LAMA2: variants seen among roughly 807,000 people sequenced by gnomAD.
LAMA2 encodes the protein laminin subunit alpha 2.
In LAMA2, 269 loss-of-function variants were observed where a neutral mutation model predicts 364.8. The observed-to-expected ratio is 0.74, with a 90% CI of 0.67 to 0.82. The LOEUF (loss-of-function observed/expected upper bound fraction) is 0.82, where lower values mean the gene tolerates loss of function less well. Ranked by LOEUF, LAMA2 falls within the 40% of genes least tolerant of loss-of-function variation. The probability of loss-of-function intolerance (pLI) is 0.00; values close to 1 mark genes in which losing one functional copy is unlikely to be tolerated. For missense variants in LAMA2, 3,807 were observed against 3,873.2 expected, an observed-to-expected ratio of 0.98 and a Z score of 0.45; for synonymous variants, 1,379 against 1,370.6, an observed-to-expected ratio of 1.01 and a Z score of -0.14.
chr6:129,217,637 T>C (rs938437880), intron 12 of LAMA2, among the ~76,000 whole-genome samples: 27 of 152,240 alleles, frequency 1.8e-4, no homozygotes, highest in African/African-American at 6.5e-4. Context: ...ACAAGAGCTG[T>C]TTCCTTCTTT....
At chr6:129,018,295 G>A (rs922438561) in intron 1 of LAMA2, among the ~76,000 whole-genome samples, 1 of 151,936 alleles carries the variant, frequency 6.6e-6, no homozygotes, top group Admixed American at 6.6e-5. Flanking sequence ...AGCAGTTTAT[G>A]TAGTAACTTT....
At chr6:128,893,564 T>C (rs1293259835) in intron 1 of LAMA2, among the ~76,000 whole-genome samples, 1 of 151,946 alleles carries the variant, frequency 6.6e-6, no homozygotes, top group Non-Finnish European at 1.5e-5. Context: ...GAAGAAAATA[T>C]GGTATCTGAA....
intron 34 of LAMA2, among the ~76,000 whole-genome samples, chr6:129,382,314 A>G (rs1778736840): frequency 6.6e-6 from 1 of 152,244 alleles, no homozygotes; most frequent in African/African-American, 2.4e-5. Context: ...ATTTTTAAAG[A>G]AACAATGTTA....
At position 129,391,526 on chromosome 6, in the gene LAMA2, C is replaced by T. The variant is rs1330285602; in HGVS notation, c.5107C>T (p.Leu1703=). The T allele has an allele frequency of 6.2e-7, 1 of 1,613,778 alleles. No homozygotes were observed. Among genetic ancestry groups the T allele is most frequent in the Non-Finnish European group, 8.5e-7 (1 of 1,179,908 alleles). Residue 1703 remains leucine, a synonymous_variant, in exon 36 of 65, where the codon CTA becomes TTA. Coordinates refer to ENST00000421865, the MANE Select transcript of LAMA2 (RefSeq NM_000426.4). ...AAAAGCTATAAAACTAAATGAAACT[C>T]TAGGAACTCGAGACGAGGCCTTTGA... The part of the protein sequence containing the change: ...NEKAIKLNET[L]GTRDEAFERN...
At chr6:129,447,100 G>A (rs1348460284) in intron 45 of LAMA2, among the ~76,000 whole-genome samples, 2 of 152,172 alleles carry the variant, frequency 1.3e-5, no homozygotes, top group African/African-American at 2.4e-5. Flanking sequence ...TAGCCAACAT[G>A]GAAAAAGCCT....
intron 4 of LAMA2, among the ~76,000 whole-genome samples, chr6:129,112,065 A>G (rs1776192415): frequency 6.6e-6 from 1 of 151,296 alleles, no homozygotes; most frequent in African/African-American, 2.4e-5. Context: ...ATCTGGAGTG[A>G]CAGTTGACAC....
chr6:129,419,957 A>G (rs1239121729), intron 40 of LAMA2, among the ~76,000 whole-genome samples: 3 of 152,152 alleles, frequency 2.0e-5, no homozygotes, highest in South Asian at 2.1e-4. Flanking sequence ...AAATTGATGC[A>G]TGGTGATTTT....
intron 44 of LAMA2, among the ~76,000 whole-genome samples, chr6:129,445,403 C>G (rs1027854510): frequency 6.6e-6 from 1 of 152,156 alleles, no homozygotes; most frequent in African/African-American, 2.4e-5. Flanking sequence ...TTAAGTTCTT[C>G]ATATTCTCTA....
At chr6:128,903,773 C>A (rs962694017) in intron 1 of LAMA2, among the ~76,000 whole-genome samples, 1 of 152,202 alleles carries the variant, frequency 6.6e-6, no homozygotes, top group Non-Finnish European at 1.5e-5. Context: ...AATATAGGAT[C>A]TTTCCTGGAT....
intron 57 of LAMA2, 87 bp from the exon 58 acceptor site, chr6:129,492,228 A>T (rs1447467458): frequency 2.1e-6 from 3 of 1,461,486 alleles, no homozygotes; most frequent in African/African-American, 2.8e-5. Context: ...ACACTAATGG[A>T]CTTAAAAAGG....
chr6:128,947,355 C>T (rs1462650232), intron 1 of LAMA2, among the ~76,000 whole-genome samples: 1 of 152,116 alleles, frequency 6.6e-6, no homozygotes, highest in Non-Finnish European at 1.5e-5. Context: ...AAATTAATTG[C>T]TATTTATGTT....
chr6:129,189,093 A>C (rs1781390644), intron 10 of LAMA2, among the ~76,000 whole-genome samples: 1 of 152,076 alleles, frequency 6.6e-6, no homozygotes. Flanking sequence ...TAAAGTTAGT[A>C]AGACAGAATT....
At chr6:129,133,916 C>T (rs1056503590) in intron 4 of LAMA2, among the ~76,000 whole-genome samples, 1 of 152,092 alleles carries the variant, frequency 6.6e-6, no homozygotes, top group East Asian at 1.9e-4. Flanking sequence ...CTCTGAAGAA[C>T]CTTTGAGTCA....
chr6:129,172,697 C>A (rs901852729), intron 9 of LAMA2, among the ~76,000 whole-genome samples: 13 of 152,216 alleles, frequency 8.5e-5, no homozygotes, highest in African/African-American at 1.7e-4. Flanking sequence ...GTGGTGGGCT[C>A]CACCCAGTTG....
chr6:129,204,522 G>A (rs1298425034), intron 12 of LAMA2, among the ~76,000 whole-genome samples: 1 of 151,940 alleles, frequency 6.6e-6, no homozygotes, highest in Admixed American at 6.6e-5. Flanking sequence ...CACCGACAGG[G>A]TAAACACCAT....
At chr6:129,324,272 A>C (rs967708784) in intron 28 of LAMA2, among the ~76,000 whole-genome samples, 1 of 152,240 alleles carries the variant, frequency 6.6e-6, no homozygotes, top group African/African-American at 2.4e-5. Context: ...ATTATTAAAC[A>C]TGCTTTATCT....
At chr6:129,232,709 C>T (rs1429818269) in intron 12 of LAMA2, among the ~76,000 whole-genome samples, 2 of 152,022 alleles carry the variant, frequency 1.3e-5, no homozygotes, top group South Asian at 2.1e-4. Context: ...AATATGTTCC[C>T]TCTTACATGG....
chr6:128,894,678 T>G (rs1043965445), intron 1 of LAMA2, among the ~76,000 whole-genome samples: 2 of 152,178 alleles, frequency 1.3e-5, no homozygotes, highest in Non-Finnish European at 2.9e-5. Flanking sequence ...TTTAATAAAT[T>G]TAATCATTGT....
intron 53 of LAMA2, among the ~76,000 whole-genome samples, chr6:129,478,016 A>T (rs1262584539): frequency 6.6e-6 from 1 of 151,092 alleles, no homozygotes; most frequent in Non-Finnish European, 1.5e-5. Context: ...CTTGTCTTGA[A>T]CTCGTGGCCT....
Sources: gnomAD v4.1 joint callset for allele counts (sites outside exome capture counted in the v4.1 genomes callset) on GRCh38, gnomAD v4.1.1 for gene constraint, MANE v1.5 for transcripts, NCBI Gene and HGNC (gene_info 2026-07-23, HGNC 2026-07-21) for gene names.